The following CLNK variants were observed in gnomAD, a reference collection of about 807,000 sequenced individuals.
CLNK encodes cytokine-dependent hematopoietic cell linker.
Under a neutral mutation model 68.6 loss-of-function variants are expected in CLNK, and 74 were observed. The observed-to-expected ratio is 1.08, with a 90% confidence interval of 0.89 to 1.31. The LOEUF is 1.31. Among genes scored for constraint, CLNK ranks in the 50% most tolerant of loss-of-function variants. The probability of loss-of-function intolerance (pLI) is 0.00; values close to 1 mark genes in which losing one functional copy is unlikely to be tolerated. For missense variants in CLNK, 553 were observed against 515.3 expected (o/e 1.07, Z -0.71); for synonymous variants, 198 against 172.2 (o/e 1.15, Z -1.17).
chr4:10,717,454 G>C, the CLNK span, among the ~76,000 whole-genome samples: 1 of 152,196 alleles, frequency 6.6e-6, no homozygotes, highest in African/African-American at 2.4e-5. Context: ...AAATCAGCCG[G>C]ATGTGGTTAT....
At chr4:10,572,365 A>G (rs559988338) in intron 4 of CLNK, among the ~76,000 whole-genome samples, 2 of 152,340 alleles carry the variant, frequency 1.3e-5, no homozygotes, top group East Asian at 3.9e-4. Flanking sequence ...GCCTTTTCTC[A>G]GCACTCAACA....
intron 2 of CLNK, among the ~76,000 whole-genome samples, chr4:10,616,799 T>A (rs7434430): frequency 3.3e-4 from 8 of 24,470 alleles, no homozygotes; most frequent in Non-Finnish European, 6.2e-4. Flanking sequence ...TGTATATATA[T>A]ATATATATAT....
Position 10,566,018 on chromosome 4 carries a change from C to A in CLNK, c.283G>T (p.Glu95Ter). ...ILPARPIKES[E>*]YADTHYFKVA... ...GACCCCCAAACGTTACCTGCATATT[C>A]AGATTCCTTTATAGGCCGGGCTGGT... The change falls in exon 6 of 19, where the codon GAA becomes TAA. Residue 95 changes from glutamate to a stop codon, truncating the protein, a stop_gained. Transcript: ENST00000226951. LOFTEE classifies it high-confidence loss of function. The A allele has an allele frequency of 6.2e-7, 1 of 1,613,748 alleles. No homozygotes were observed. The highest frequency in any genetic ancestry group is 1.1e-5 in the South Asian group (1 of 91,070).
intron 2 of CLNK, among the ~76,000 whole-genome samples, chr4:10,621,595 A>AG (rs1722461690): frequency 6.6e-6 from 1 of 152,184 alleles, no homozygotes; most frequent in African/African-American, 2.4e-5. Context: ...CCCTTGAATT[A>AG]ATTCTGTCCT....
intron 6 of CLNK, among the ~76,000 whole-genome samples, chr4:10,565,202 A>T (rs1461159502): frequency 6.6e-6 from 1 of 152,134 alleles, no homozygotes; most frequent in Non-Finnish European, 1.5e-5. Context: ...GAGGGTATGG[A>T]TCCTGCATTG....
the CLNK span, among the ~76,000 whole-genome samples, chr4:10,730,988 C>T: frequency 0.36 from 54,322 of 152,038 alleles, 11,455 homozygotes; most frequent in African/African-American, 0.6. Context: ...GTACACGTGA[C>T]ATTGTGATAC....
At chr4:10,699,606 A>T in the CLNK span, among the ~76,000 whole-genome samples, 2 of 142,686 alleles carry the variant, frequency 1.4e-5, no homozygotes, top group African/African-American at 2.7e-5. Context: ...TCCACCTCCC[A>T]GGTTCAAGCA....
Position 10,532,298 on chromosome 4 carries a change from A to G in CLNK, c.603-15T>C, listed in dbSNP as rs949458404. 1 of 1,603,584 alleles carries G rather than the reference A, an allele frequency of 6.2e-7. No homozygotes were observed. Among genetic ancestry groups the G allele is most frequent in the East Asian group, 2.2e-5 (1 of 44,808 alleles). On this transcript the variant is annotated splice_polypyrimidine_tract_variant and intron_variant, in intron 11 of 18. Coordinates refer to ENST00000226951, the MANE Select transcript of CLNK (RefSeq NM_052964.4). ...AGCTTATCTGACTGCAAGAAAAAGA[A>G]ATACGGTGTTACATAAAACACAGTT... is the stretch of plus-strand genomic sequence containing the variant.
chr4:10,489,565 C>T lies in CLNK; in HGVS notation c.*902G>A, dbSNP rs1209855899. ...TCAGAGGATTTTCAGTTTCTGTCTT[C>T]AAGGTGACATTCACAATTGCTGGTT... is the stretch of plus-strand genomic sequence containing the variant. On this transcript the variant is annotated 3_prime_UTR_variant, in exon 19 of 19. Coordinates refer to ENST00000226951, the MANE Select transcript of CLNK (RefSeq NM_052964.4). 6.6e-6 allele frequency: 1 copy of T among 151,846 alleles called. No individual in the cohort carries two copies. The highest frequency in any genetic ancestry group is 1.5e-5 in the Non-Finnish European group (1 of 67,970). 9.4% of individuals were successfully genotyped at this position (151,846 alleles called of 1,614,324 possible).
chr4:10,660,358 A>G (rs1237702194), intron 2 of CLNK, among the ~76,000 whole-genome samples: 3 of 152,264 alleles, frequency 2.0e-5, no homozygotes, highest in Non-Finnish European at 2.9e-5. Flanking sequence ...GACATTATAC[A>G]TATGATACTT....
chr4:10,552,289 G>A (rs1326135100), intron 8 of CLNK, among the ~76,000 whole-genome samples: 1 of 152,102 alleles, frequency 6.6e-6, no homozygotes, highest in East Asian at 1.9e-4. Context: ...AATAGGACTT[G>A]CCCCAAACTC....
intron 7 of CLNK, among the ~76,000 whole-genome samples, chr4:10,560,458 C>T (rs61795098): frequency 0.041 from 6,182 of 152,168 alleles, 191 homozygotes; most frequent in Middle Eastern, 0.1. Context: ...CTCACTCTGT[C>T]GCTCCGGCTG....
chr4:10,589,628 C>T (rs1159084344), intron 3 of CLNK, among the ~76,000 whole-genome samples: 1 of 145,700 alleles, frequency 6.9e-6, no homozygotes, highest in Non-Finnish European at 1.5e-5. Context: ...AAGAGGAAGG[C>T]TGGGACCAGC....
At chr4:10,618,206 C>T (rs151296615) in intron 2 of CLNK, among the ~76,000 whole-genome samples, 31 of 152,232 alleles carry the variant, frequency 2.0e-4, no homozygotes, top group African/African-American at 7.2e-4. Context: ...AATGGATAAA[C>T]TGTTACACGC....
the CLNK span, among the ~76,000 whole-genome samples, chr4:10,726,877 G>A: frequency 1.3e-5 from 2 of 152,140 alleles, no homozygotes; most frequent in Non-Finnish European, 1.5e-5. Context: ...GAGATCAAAT[G>A]GAACTGTTGC....
chr4:10,541,178 C>T (rs1323939077), intron 10 of CLNK, among the ~76,000 whole-genome samples: 1 of 149,374 alleles, frequency 6.7e-6, no homozygotes, highest in African/African-American at 2.5e-5. Flanking sequence ...TGCACCACCT[C>T]ACTCCAGCCT....
chr4:10,569,026 A>G (rs1359017206), intron 5 of CLNK, among the ~76,000 whole-genome samples: 1 of 152,196 alleles, frequency 6.6e-6, no homozygotes, highest in Non-Finnish European at 1.5e-5. Flanking sequence ...AGCAACTGCA[A>G]TGTGAAATTT....
chr4:10,726,519 T>C, the CLNK span, among the ~76,000 whole-genome samples: 1 of 152,156 alleles, frequency 6.6e-6, no homozygotes, highest in Non-Finnish European at 1.5e-5. Flanking sequence ...TCTTAACTAA[T>C]TACATCTGCA....
At chr4:10,628,509 A>G (rs1722763036) in intron 2 of CLNK, among the ~76,000 whole-genome samples, 1 of 152,170 alleles carries the variant, frequency 6.6e-6, no homozygotes. Context: ...CTCCAGACTA[A>G]GACGGCACCT....
Sources: gnomAD v4.1 joint callset for allele counts (sites outside exome capture counted in the v4.1 genomes callset) on GRCh38, gnomAD v4.1.1 for gene constraint, MANE v1.5 for transcripts, NCBI Gene and HGNC (gene_info 2026-07-23, HGNC 2026-07-21) for gene names.